The following CCDC186 variants were observed in gnomAD, a reference collection of about 807,000 sequenced individuals.
CCDC186 encodes the protein coiled-coil domain-containing protein 186.
A neutral mutation model predicts 113.7 loss-of-function variants in CCDC186; 49 were observed. That is an observed-to-expected ratio of 0.43 (90% CI 0.34 to 0.55). CCDC186 has a LOEUF of 0.55. Ranked by LOEUF, CCDC186 falls within the 20% of genes least tolerant of loss-of-function variation. The pLI, the probability that CCDC186 is intolerant of heterozygous loss-of-function variation, is 0.02. For synonymous variants in CCDC186, 355 were observed against 345.8 expected, an observed-to-expected ratio of 1.03 and a Z score of -0.30; for missense variants, 890 against 1,011.1, an observed-to-expected ratio of 0.88 and a Z score of 1.62.
chr10:114,172,810 A>G (rs1218621926), intron 1 of CCDC186, among the ~76,000 whole-genome samples: 1 of 152,244 alleles, frequency 6.6e-6, no homozygotes, highest in African/African-American at 2.4e-5. Flanking sequence ...AATGTTGGAT[A>G]AAGAATTGAA....
At chr10:114,145,165 A>AT (rs1231262921) in intron 5 of CCDC186, among the ~76,000 whole-genome samples, 2 of 152,128 alleles carry the variant, frequency 1.3e-5, no homozygotes, top group Non-Finnish European at 2.9e-5. Context: ...TATTAAGATT[A>AT]TATCAAATTA....
At chr10:114,133,862 A>T (rs1304961057) in intron 10 of CCDC186, among the ~76,000 whole-genome samples, 1 of 152,208 alleles carries the variant, frequency 6.6e-6, no homozygotes, top group Non-Finnish European at 1.5e-5. Flanking sequence ...GTTTGGCTGC[A>T]AAGGAAAGGA....
intron 10 of CCDC186, among the ~76,000 whole-genome samples, chr10:114,133,907 A>G (rs537732490): frequency 7.4e-4 from 113 of 152,358 alleles, no homozygotes; most frequent in African/African-American, 2.6e-3. Context: ...AGGAGTTTTG[A>G]TATTTTTAAA....
rs1057474902 is a variant in CCDC186 at position 114,145,455 on chromosome 10, C to T, written c.1101+94G>A. ...AAACAACTTTACGTTTGAGTGTTAACCATGTTAAATTATGATTATTTGATT... is the reference window on the plus strand; with the variant it reads ...AAACAACTTTACGTTTGAGTGTTAATCATGTTAAATTATGATTATTTGATT... On this transcript the variant is annotated intron_variant, in intron 5 of 15. Coordinates refer to ENST00000369287, the MANE Select transcript of CCDC186 (RefSeq NM_018017.4). 1.6e-5 allele frequency: 18 copies of T among 1,136,382 alleles called. No individual in the cohort carries two copies. In the African/African-American group the frequency reaches 2.7e-4, roughly 17 times the overall value. The allele number at this position is 1,136,382 out of a possible 1,614,324, so 70.4% of individuals were successfully genotyped here.
intron 3 of CCDC186, among the ~76,000 whole-genome samples, chr10:114,151,758 C>T (rs1044485082): frequency 2.0e-5 from 3 of 152,150 alleles, no homozygotes; most frequent in Non-Finnish European, 4.4e-5. Context: ...TGCTTGTGTG[C>T]AGCAACACTT....
Position 114,137,168 on chromosome 10 carries a change from T to A in CCDC186, c.1326+18A>T, listed in dbSNP as rs1304269000. The A allele has an allele frequency of 1.9e-6, 3 of 1,562,380 alleles. No homozygotes were observed. The highest frequency in any genetic ancestry group is 2.6e-6 in the Non-Finnish European group (3 of 1,135,898). On this transcript the variant is annotated intron_variant, in intron 7 of 15. Coordinates refer to ENST00000369287, the MANE Select transcript of CCDC186 (RefSeq NM_018017.4). Reference sequence around the variant, plus strand: ...TTGCTAAAATTTGATACTAATCTATTTTAAAAGTTATGCATACCTGATATG... The same window carrying A: ...TTGCTAAAATTTGATACTAATCTATATTAAAAGTTATGCATACCTGATATG...
Position 114,162,621 on chromosome 10 carries a change from G to A in CCDC186, c.632+16C>T. On this transcript the variant is annotated intron_variant, in intron 2 of 15. Coordinates refer to ENST00000369287, the MANE Select transcript of CCDC186 (RefSeq NM_018017.4). ...TGTGAGGGAAAAAAAATAACCTAAAGGTATAAAAAACTTACTTTTTTATGA... is the reference window on the plus strand; with the variant it reads ...TGTGAGGGAAAAAAAATAACCTAAAAGTATAAAAAACTTACTTTTTTATGA... 1 of 1,513,742 alleles carries A rather than the reference G, an allele frequency of 6.6e-7. No homozygotes were observed. Among genetic ancestry groups the A allele is most frequent in the Non-Finnish European group, 8.8e-7 (1 of 1,130,070 alleles). 93.8% of individuals were successfully genotyped at this position (1,513,742 alleles called of 1,614,324 possible).
At chr10:114,173,060 C>T in intron 1 of CCDC186, 1 of 364,410 alleles carries the variant, frequency 2.7e-6, no homozygotes, top group Admixed American at 3.3e-5. Context: ...TAGAAGACAA[C>T]ACCCGGCCTA....
At chr10:114,129,782 G>C in intron 13 of CCDC186, 109 bp downstream of exon 13, 1 of 882,570 alleles carries the variant, frequency 1.1e-6, no homozygotes, top group Non-Finnish European at 1.8e-6. Flanking sequence ...CACTCATCTC[G>C]TCCTCCCAAA....
intron 10 of CCDC186, 119 bp from the exon 11 acceptor site, chr10:114,132,303 A>G: frequency 1.4e-6 from 1 of 712,756 alleles, no homozygotes; most frequent in South Asian, 2.9e-5. Context: ...ATTCATCCAA[A>G]TATTTATAAA....
At chr10:114,170,724 G>A (rs560642972) in intron 1 of CCDC186, among the ~76,000 whole-genome samples, 1 of 152,122 alleles carries the variant, frequency 6.6e-6, no homozygotes, top group African/African-American at 2.4e-5. Flanking sequence ...TGAGACCAAG[G>A]TTATTTATCC....
At chr10:114,154,750 T>C (rs1433936978) in intron 3 of CCDC186, among the ~76,000 whole-genome samples, 1 of 152,172 alleles carries the variant, frequency 6.6e-6, no homozygotes, top group Admixed American at 6.5e-5. Flanking sequence ...TATGTACACA[T>C]AAAAACTAGC....
At chr10:114,148,853 A>G (rs2031726745) in intron 4 of CCDC186, among the ~76,000 whole-genome samples, 1 of 152,252 alleles carries the variant, frequency 6.6e-6, no homozygotes, top group South Asian at 2.1e-4. Context: ...TATCTGGTCT[A>G]TGAAATGAGG....
intron 4 of CCDC186, among the ~76,000 whole-genome samples, chr10:114,147,044 G>A (rs549268740): frequency 2.6e-5 from 4 of 152,286 alleles, no homozygotes; most frequent in South Asian, 2.1e-4. Context: ...GATAGGCCCC[G>A]AGGTTGTAAC....
chr10:114,151,078 G>A lies in CCDC186; in HGVS notation c.888+14C>T, dbSNP rs141570250. 8.7e-5 allele frequency: 139 copies of A among 1,606,042 alleles called. No homozygotes were observed. The African/African-American group carries it at 1.6e-3, about 18-fold the overall frequency. On this transcript the variant is annotated intron_variant, in intron 4 of 15. Transcript: ENST00000369287. Reference sequence around the variant, plus strand: ...AGAATATCAAGTTAATAATGACAACGATGTGAGAAATACCTGTTCCATCCG... The same window carrying A: ...AGAATATCAAGTTAATAATGACAACAATGTGAGAAATACCTGTTCCATCCG...
rs1050218818 is a variant in CCDC186 at position 114,136,134 on chromosome 10, G to A, written c.1425+14C>T. The A allele has an allele frequency of 3.1e-6, 5 of 1,600,984 alleles. No individual in the cohort carries two copies. In the African/African-American group the frequency reaches 5.4e-5, roughly 17 times the overall value. Reference sequence around the variant, plus strand: ...TTATGCAACTTAGGATATATAAAGAGCAAAACTACTCACCTCTAGCTGGTC... The same window carrying A: ...TTATGCAACTTAGGATATATAAAGAACAAAACTACTCACCTCTAGCTGGTC... On this transcript the variant is annotated intron_variant, in intron 8 of 15. Coordinates refer to ENST00000369287, the MANE Select transcript of CCDC186 (RefSeq NM_018017.4).
At chr10:114,172,918 TA>T (rs150271310) in intron 1 of CCDC186, among the ~76,000 whole-genome samples, 2,074 of 152,294 alleles carry the variant, frequency 0.014, 53 homozygotes, top group African/African-American at 0.047. Flanking sequence ...GAACACTCGG[TA>T]AATATTAAGG....
rs757150910 is a variant in CCDC186 at position 114,162,733 on chromosome 10, CGAT to C, written c.533_535del (p.His178del). 2 of 1,613,804 alleles carry C rather than the reference CGAT, an allele frequency of 1.2e-6. No homozygotes were observed. The highest frequency in any genetic ancestry group is 3.3e-5 in the Admixed American group (2 of 59,988). On this transcript the variant is annotated inframe_deletion, in exon 2 of 16. Transcript: ENST00000369287. ...TCCCTTATTCATTCCATTTGGTACT[CGAT>C]GTTCTGCAAACTCCGTAGATAAGAG...
At chr10:114,125,358 T>A (rs929923623) in intron 15 of CCDC186, 132 bp from the exon 16 acceptor site, 9 of 597,336 alleles carry the variant, frequency 1.5e-5, no homozygotes, top group African/African-American at 1.3e-4. Flanking sequence ...CTATGTCAGA[T>A]AAACTAGTGA....
Sources: allele counts gnomAD v4.1 joint callset (sites outside exome capture counted in the v4.1 genomes callset), GRCh38; gene constraint gnomAD v4.1.1; transcripts MANE v1.5; gene names NCBI Gene and HGNC (gene_info 2026-07-23, HGNC 2026-07-21).